The following EYS variants were observed in gnomAD, a reference collection of about 807,000 sequenced individuals.
EYS encodes the protein protein eyes shut homolog.
EYS carries 250 observed loss-of-function variants against 282.1 expected under a neutral mutation model. The observed-to-expected ratio is 0.89, with a 90% CI of 0.80 to 0.98. EYS has a LOEUF of 0.98. EYS is among the 50% of genes least tolerant of loss of function. The pLI is 0.00. For synonymous variants in EYS, 1,355 were observed against 1,282.9 expected (o/e 1.06, Z -1.20); for missense variants, 4,016 against 3,709.0 (o/e 1.08, Z -2.15).
At chr6:65,687,782 C>A (rs941320386) in intron 1 of EYS, among the ~76,000 whole-genome samples, 2 of 152,090 alleles carry the variant, frequency 1.3e-5, no homozygotes, top group African/African-American at 4.8e-5. Context: ...TTCTTATACA[C>A]CAATAACAGA....
intron 26 of EYS, among the ~76,000 whole-genome samples, chr6:64,539,733 T>C (rs978839730): frequency 6.6e-6 from 1 of 152,224 alleles, no homozygotes; most frequent in Non-Finnish European, 1.5e-5. Context: ...CCATTTGATT[T>C]GAATTGGCAT....
intron 35 of EYS, among the ~76,000 whole-genome samples, chr6:63,980,247 C>G (rs1229159505): frequency 6.6e-6 from 1 of 151,514 alleles, no homozygotes; most frequent in Non-Finnish European, 1.5e-5. Context: ...TCAGGAGGTA[C>G]AGATTAGAAT....
chr6:64,675,389 A>G (rs1457944343), intron 22 of EYS, among the ~76,000 whole-genome samples: 1 of 151,482 alleles, frequency 6.6e-6, no homozygotes, highest in Non-Finnish European at 1.5e-5. Flanking sequence ...CTGTGATTGC[A>G]AACCTTTCTT....
At chr6:64,817,346 C>G (rs1039674558) in intron 21 of EYS, among the ~76,000 whole-genome samples, 6 of 152,026 alleles carry the variant, frequency 3.9e-5, no homozygotes, top group Non-Finnish European at 1.5e-5. Flanking sequence ...ATGCCAGAAT[C>G]CACTATGTAC....
chr6:63,890,413 G>A (rs1237340306), intron 35 of EYS, among the ~76,000 whole-genome samples: 2 of 152,184 alleles, frequency 1.3e-5, no homozygotes, highest in African/African-American at 4.8e-5. Flanking sequence ...AGACCACAGT[G>A]CAATCAAATT....
intron 13 of EYS, among the ~76,000 whole-genome samples, chr6:65,017,514 T>G (rs1479649216): frequency 1.3e-5 from 2 of 152,212 alleles, no homozygotes; most frequent in Non-Finnish European, 2.9e-5. Context: ...TAGTAAAATA[T>G]TTTGTGAGTA....
At chr6:65,560,045 T>C (rs1768978381) in intron 2 of EYS, among the ~76,000 whole-genome samples, 1 of 150,418 alleles carries the variant, frequency 6.6e-6, no homozygotes, top group African/African-American at 2.4e-5. Context: ...TGTCAAATAT[T>C]TATAATGATC....
intron 26 of EYS, among the ~76,000 whole-genome samples, chr6:64,522,640 G>T (rs891505263): frequency 6.6e-6 from 1 of 151,766 alleles, no homozygotes; most frequent in African/African-American, 2.4e-5. Context: ...TGAGCAGGAG[G>T]TGTATGGCCC....
At chr6:64,701,349 G>A (rs12111465) in intron 22 of EYS, among the ~76,000 whole-genome samples, 1 of 152,026 alleles carries the variant, frequency 6.6e-6, no homozygotes, top group Non-Finnish European at 1.5e-5. Context: ...CAAGAAAATA[G>A]ATAAATGAGA....
intron 36 of EYS, among the ~76,000 whole-genome samples, chr6:63,847,443 T>C (rs1234162807): frequency 1.3e-5 from 2 of 152,140 alleles, no homozygotes; most frequent in Non-Finnish European, 2.9e-5. Context: ...TCCCCTCTGT[T>C]TGCTCTCCCT....
In EYS at chr6:64,081,915, C is replaced by A; in HGVS notation, c.6512G>T (p.Arg2171Ile). 1 of 1,542,202 alleles carries A rather than the reference C, an allele frequency of 6.5e-7. No homozygotes were observed. The highest frequency in any genetic ancestry group is 8.8e-7 in the Non-Finnish European group (1 of 1,139,054). The change falls in exon 32 of 43, where the codon AGA becomes ATA. Residue 2171 changes from arginine (R) to isoleucine (I), a missense_variant. Arg to Ile is a moderately conservative substitution (Grantham distance 97, BLOSUM62 -3). Transcript: ENST00000503581. ...TATAGTCAAGTAGATGGTAACAGTT[C>A]TGTTATGTTCCTTCTCCAGGACAAA... ...LKFVLEKEHN[R>I]TVTIYLTIKT...
chr6:64,436,915 T>C (rs1774771104), intron 27 of EYS, among the ~76,000 whole-genome samples: 1 of 151,786 alleles, frequency 6.6e-6, no homozygotes, highest in South Asian at 2.1e-4. Flanking sequence ...GTGTCTATTC[T>C]TTCCCAGAGA....
chr6:64,342,004 G>C (rs1404609878), intron 29 of EYS, among the ~76,000 whole-genome samples: 1 of 151,626 alleles, frequency 6.6e-6, no homozygotes, highest in Non-Finnish European at 1.5e-5. Context: ...CTTATAAGAG[G>C]AGGAGGGAAA....
chr6:64,130,636 A>C (rs1378294487), intron 31 of EYS, among the ~76,000 whole-genome samples: 1 of 152,092 alleles, frequency 6.6e-6, no homozygotes, highest in Non-Finnish European at 1.5e-5. Context: ...TTAAAAAAAA[A>C]AAGTTTTCAG....
intron 33 of EYS, among the ~76,000 whole-genome samples, chr6:64,042,554 G>A (rs1770437100): frequency 6.6e-6 from 1 of 152,132 alleles, no homozygotes; most frequent in Non-Finnish European, 1.5e-5. Flanking sequence ...GAATATCCCA[G>A]GTAGTGCCTT....
At chr6:64,132,410 T>G (rs1413984792) in intron 31 of EYS, among the ~76,000 whole-genome samples, 1 of 151,822 alleles carries the variant, frequency 6.6e-6, no homozygotes, top group Non-Finnish European at 1.5e-5. Flanking sequence ...ATGGAGACAG[T>G]GTAGATAATC....
intron 31 of EYS, among the ~76,000 whole-genome samples, chr6:64,180,048 TG>T (rs1764745150): frequency 6.6e-6 from 1 of 152,152 alleles, no homozygotes; most frequent in African/African-American, 2.4e-5. Context: ...GATAAAGTAC[TG>T]GGGAGAAATG....
intron 12 of EYS, among the ~76,000 whole-genome samples, chr6:65,143,763 T>A (rs1324161414): frequency 6.6e-6 from 1 of 151,542 alleles, no homozygotes; most frequent in Non-Finnish European, 1.5e-5. Flanking sequence ...TATTTCCTTT[T>A]TGCATATGTC....
At chr6:65,265,400 G>A (rs187274410) in intron 12 of EYS, among the ~76,000 whole-genome samples, 52 of 152,076 alleles carry the variant, frequency 3.4e-4, no homozygotes, top group Non-Finnish European at 6.3e-4. Context: ...ATTTAAAGCA[G>A]GGACTATGGT....
Sources: allele counts gnomAD v4.1 joint callset (sites outside exome capture counted in the v4.1 genomes callset), GRCh38; gene constraint gnomAD v4.1.1; transcripts MANE v1.5; gene names NCBI Gene and HGNC (gene_info 2026-07-23, HGNC 2026-07-21).